The following SYT9 variants were observed in gnomAD, a reference collection of about 807,000 sequenced individuals.
The protein encoded by SYT9 is synaptotagmin 9.
A neutral mutation model predicts 48.4 loss-of-function variants in SYT9; 22 were observed. The observed-to-expected ratio is 0.45, with a 90% confidence interval of 0.32 to 0.65. The LOEUF is 0.65. Among genes scored for constraint, SYT9 ranks in the 30% least tolerant of loss-of-function variants. The pLI, the probability that SYT9 is intolerant of heterozygous loss-of-function variation, is 0.03. For missense variants in SYT9, 577 were observed against 622.0 expected, an observed-to-expected ratio of 0.93 and a Z score of 0.77; for synonymous variants, 265 against 245.0, an observed-to-expected ratio of 1.08 and a Z score of -0.76.
intron 6 of SYT9, among the ~76,000 whole-genome samples, chr11:7,421,957 T>C (rs910161169): frequency 6.6e-6 from 1 of 152,156 alleles, no homozygotes; most frequent in East Asian, 1.9e-4. Flanking sequence ...TCTCAATAAG[T>C]AAAGAGAACT....
Position 7,387,260 on chromosome 11 carries a change from T to A in SYT9, c.1045-28782T>A, listed in dbSNP as rs578080756. On this transcript the variant is annotated intron_variant, in intron 3 of 6. Coordinates refer to ENST00000318881, the MANE Select transcript of SYT9 (RefSeq NM_175733.4). ...CCAACATGGTACAAGTATGCATATG[T>A]AACTAACCTGCCCATTGTGCACATG... is the stretch of plus-strand genomic sequence containing the variant. 2.6e-5 allele frequency among the ~76,000 whole-genome samples: 4 copies of A among 152,194 alleles called. No individual in the cohort carries two copies. The East Asian group carries it at 5.8e-4, about 22-fold the overall frequency.
chr11:7,463,168 A>C (rs920812698), intron 6 of SYT9, among the ~76,000 whole-genome samples: 1 of 152,194 alleles, frequency 6.6e-6, no homozygotes, highest in African/African-American at 2.4e-5. Context: ...TAACAAGGAC[A>C]CTGCTGCTTC....
chr11:7,348,718 G>A (rs28393437), intron 3 of SYT9, among the ~76,000 whole-genome samples: 1 of 49,160 alleles, frequency 2.0e-5, no homozygotes, highest in Non-Finnish European at 3.9e-5. Context: ...TTTTTTTTTT[G>A]TATTTTCAAA....
chr11:7,317,835 T>A (rs1849268713), intron 3 of SYT9, among the ~76,000 whole-genome samples: 1 of 152,218 alleles, frequency 6.6e-6, no homozygotes, highest in Non-Finnish European at 1.5e-5. Flanking sequence ...TCTCTATGAA[T>A]AGCACAATTT....
chr11:7,390,848 C>T (rs761127799), intron 3 of SYT9, among the ~76,000 whole-genome samples: 1 of 152,040 alleles, frequency 6.6e-6, no homozygotes, highest in South Asian at 2.1e-4. Context: ...GTTTGGATAT[C>T]GGGGGTACAT....
intron 3 of SYT9, among the ~76,000 whole-genome samples, chr11:7,331,933 C>T (rs994773269): frequency 6.6e-6 from 1 of 152,144 alleles, no homozygotes; most frequent in African/African-American, 2.4e-5. Flanking sequence ...AACTATATTC[C>T]TATTATTTAA....
intron 3 of SYT9, among the ~76,000 whole-genome samples, chr11:7,360,689 G>A (rs966644353): frequency 2.6e-5 from 4 of 151,948 alleles, no homozygotes; most frequent in African/African-American, 9.7e-5. Context: ...AAAGGCAATT[G>A]GCCTATAATT....
chr11:7,245,963 AAAG>A (rs1746952891), intron 1 of SYT9, among the ~76,000 whole-genome samples: 1 of 152,222 alleles, frequency 6.6e-6, no homozygotes, highest in African/African-American at 2.4e-5. Context: ...CAATTTCAGA[AAAG>A]AAGGCAAGTG....
chr11:7,328,274 T>C (rs1168061485), intron 3 of SYT9, among the ~76,000 whole-genome samples: 1 of 152,060 alleles, frequency 6.6e-6, no homozygotes, highest in African/African-American at 2.4e-5. Context: ...AGTATATTTA[T>C]GTCATTGTGA....
At chr11:7,372,315 C>T (rs899999489) in intron 3 of SYT9, among the ~76,000 whole-genome samples, 1 of 152,008 alleles carries the variant, frequency 6.6e-6, no homozygotes, top group African/African-American at 2.4e-5. Flanking sequence ...CTCTCTCGCT[C>T]TGTGTGTTTG....
chr11:7,296,146 C>T (rs1054028207), intron 1 of SYT9, among the ~76,000 whole-genome samples: 1 of 152,160 alleles, frequency 6.6e-6, no homozygotes, highest in Non-Finnish European at 1.5e-5. Context: ...CTTCTACCTT[C>T]CTAAATATTC....
chr11:7,333,838 C>G (rs906776242), intron 3 of SYT9, among the ~76,000 whole-genome samples: 1 of 152,156 alleles, frequency 6.6e-6, no homozygotes, highest in Non-Finnish European at 1.5e-5. Flanking sequence ...TATTGGACAT[C>G]AAGCACATAA....
At chr11:7,318,906 A>G (rs924400606) in intron 3 of SYT9, among the ~76,000 whole-genome samples, 9 of 152,188 alleles carry the variant, frequency 5.9e-5, no homozygotes, top group Admixed American at 2.6e-4. Flanking sequence ...TTCTGTGCTC[A>G]TGAGTGATGC....
chr11:7,422,415 T>A (rs767234715), intron 6 of SYT9, among the ~76,000 whole-genome samples: 4 of 152,238 alleles, frequency 2.6e-5, no homozygotes, highest in Non-Finnish European at 5.9e-5. Context: ...ACCCACAGGA[T>A]CTATGAGCCA....
intron 1 of SYT9, among the ~76,000 whole-genome samples, chr11:7,302,284 T>C (rs1378351648): frequency 6.6e-6 from 1 of 152,226 alleles, no homozygotes; most frequent in East Asian, 1.9e-4. Flanking sequence ...GGTTTAACCT[T>C]TACTCCCTCA....
intron 3 of SYT9, among the ~76,000 whole-genome samples, chr11:7,332,696 G>A (rs1245861910): frequency 1.3e-5 from 2 of 152,226 alleles, no homozygotes; most frequent in Non-Finnish European, 2.9e-5. Context: ...GCTCCTGAGA[G>A]GCAGGTTGGC....
At chr11:7,280,312 C>A (rs1410502696) in intron 1 of SYT9, among the ~76,000 whole-genome samples, 1 of 152,178 alleles carries the variant, frequency 6.6e-6, no homozygotes, top group African/African-American at 2.4e-5. Flanking sequence ...GCCCAACAAG[C>A]CTGTTGGTTG....
At chr11:7,343,467 A>G (rs1849748002) in intron 3 of SYT9, among the ~76,000 whole-genome samples, 1 of 152,196 alleles carries the variant, frequency 6.6e-6, no homozygotes, top group Non-Finnish European at 1.5e-5. Context: ...TTGCTAAAAC[A>G]TAGCAAAAGT....
At chr11:7,363,229 G>A (rs1850179827) in intron 3 of SYT9, among the ~76,000 whole-genome samples, 1 of 151,780 alleles carries the variant, frequency 6.6e-6, no homozygotes, top group South Asian at 2.1e-4. Flanking sequence ...GACTTCACTG[G>A]ACTAGCTAGA....
Sources: allele counts gnomAD v4.1 joint callset (sites outside exome capture counted in the v4.1 genomes callset), GRCh38; gene constraint gnomAD v4.1.1; transcripts MANE v1.5; gene names NCBI Gene and HGNC (gene_info 2026-07-23, HGNC 2026-07-21).